The following FAT3 variants were observed in gnomAD, a reference collection of about 807,000 sequenced individuals.
The protein encoded by FAT3 is FAT atypical cadherin 3, also known as protocadherin Fat 3.
Under a neutral mutation model 310.2 loss-of-function variants are expected in FAT3, and 95 were observed. The observed-to-expected ratio is 0.31, with a 90% CI of 0.26 to 0.36. FAT3 has a LOEUF of 0.36. Ranked by LOEUF, FAT3 falls within the 10% of genes least tolerant of loss-of-function variation. The probability of loss-of-function intolerance (pLI) is 1.00; values close to 1 mark genes in which losing one functional copy is unlikely to be tolerated. For synonymous variants in FAT3, 2,314 were observed against 2,192.9 expected, an observed-to-expected ratio of 1.06 and a Z score of -1.54; for missense variants, 5,408 against 5,715.6, an observed-to-expected ratio of 0.95 and a Z score of 1.74.
intron 3 of FAT3, among the ~76,000 whole-genome samples, chr11:92,638,158 C>T (rs1941834744): frequency 6.6e-6 from 1 of 152,182 alleles, no homozygotes; most frequent in Non-Finnish European, 1.5e-5. Flanking sequence ...GAGAGGTACT[C>T]ATTGGACTGG....
intron 2 of FAT3, among the ~76,000 whole-genome samples, chr11:92,423,198 G>C (rs1950565510): frequency 6.6e-6 from 1 of 152,070 alleles, no homozygotes; most frequent in Admixed American, 6.6e-5. Context: ...AAATACACTG[G>C]ACAGCCATGG....
At chr11:92,722,578 G>A (rs2135977431) in intron 4 of FAT3, among the ~76,000 whole-genome samples, 1 of 152,336 alleles carries the variant, frequency 6.6e-6, no homozygotes, top group Admixed American at 6.5e-5. Context: ...TACCCCAGTA[G>A]GGACTGTGTG....
At chr11:92,275,676 A>T (rs1946250368) in intron 1 of FAT3, among the ~76,000 whole-genome samples, 1 of 152,136 alleles carries the variant, frequency 6.6e-6, no homozygotes, top group African/African-American at 2.4e-5. Flanking sequence ...TCTACCAGCA[A>T]TGTAACATGT....
Position 92,883,422 on chromosome 11 carries a change from T to G in FAT3, c.12937+29T>G, listed in dbSNP as rs1205319793. 3.8e-6 allele frequency: 6 copies of G among 1,570,718 alleles called. No individual in the cohort carries two copies. Among genetic ancestry groups the G allele is most frequent in the Non-Finnish European group, 5.2e-6 (6 of 1,156,460 alleles). On this transcript the variant is annotated intron_variant, in intron 24 of 27. Transcript: ENST00000525166. This position sits in a 1 kb window ranked among gnomAD's most constrained non-coding sequence, Gnocchi z 4.2. The stretch of plus-strand genomic sequence containing the variant: ...AGTAGGAAGTGGTAATGCTCACCCC[T>G]CGGTGCTTACAGGGAACCTGCAGGG...
intron 2 of FAT3, among the ~76,000 whole-genome samples, chr11:92,488,055 G>C (rs571422563): frequency 1.4e-4 from 22 of 152,284 alleles, no homozygotes; most frequent in Non-Finnish European, 2.8e-4. Flanking sequence ...GCTTATATAA[G>C]ACTCTGACTT....
rs1947327781 is a variant in FAT3, at chr11:92,800,984, T to C, written c.7971T>C (p.Asn2657=). The part of the protein sequence containing the change: ...VADLLEIDPD[N]GWMVTKGNFN... ...ACCTCCTGGAAATCGATCCTGACAATGGCTGGATGGTCACAAAGGGTAATT... is the reference window on the plus strand; with the variant it reads ...ACCTCCTGGAAATCGATCCTGACAACGGCTGGATGGTCACAAAGGGTAATT... The change falls in exon 10 of 28, where the codon AAT becomes AAC. Residue 2657 remains asparagine, a synonymous_variant. Transcript: ENST00000525166. 6.2e-7 allele frequency: 1 copy of C among 1,613,346 alleles called. No homozygotes were observed.
intron 3 of FAT3, among the ~76,000 whole-genome samples, chr11:92,697,026 T>C (rs144386748): frequency 1.0e-3 from 154 of 152,334 alleles, no homozygotes; most frequent in African/African-American, 3.0e-3. Context: ...CTATTAATTG[T>C]TCAGGAACTC....
intron 1 of FAT3, among the ~76,000 whole-genome samples, chr11:92,293,914 C>A (rs539716080): frequency 3.3e-5 from 5 of 152,024 alleles, no homozygotes; most frequent in Non-Finnish European, 7.4e-5. Flanking sequence ...AAGCCACTTG[C>A]GTGCAAGTAC....
At chr11:92,269,270 A>G (rs932998570) in intron 1 of FAT3, among the ~76,000 whole-genome samples, 5 of 152,116 alleles carry the variant, frequency 3.3e-5, no homozygotes, top group African/African-American at 1.2e-4. Context: ...AGCTAGAAAC[A>G]TTCTTTCGCC....
At chr11:92,657,797 G>T (rs762978833) in intron 3 of FAT3, among the ~76,000 whole-genome samples, 2 of 152,124 alleles carry the variant, frequency 1.3e-5, no homozygotes, top group Non-Finnish European at 2.9e-5. Flanking sequence ...TCAGTTCATG[G>T]CTCTAAAGCC....
At chr11:92,877,179 C>T (rs1244938016) in intron 22 of FAT3, among the ~76,000 whole-genome samples, 1 of 152,090 alleles carries the variant, frequency 6.6e-6, no homozygotes, top group African/African-American at 2.4e-5. Context: ...TCTTAGAGAC[C>T]TAAATTCCAG....
At chr11:92,648,777 C>T (rs986546292) in intron 3 of FAT3, among the ~76,000 whole-genome samples, 6 of 152,160 alleles carry the variant, frequency 3.9e-5, no homozygotes, top group Admixed American at 2.0e-4. Context: ...ACCATTGTGA[C>T]GGCCATGCTC....
At chr11:92,375,175 G>C (rs1316447899) in intron 2 of FAT3, among the ~76,000 whole-genome samples, 1 of 152,020 alleles carries the variant, frequency 6.6e-6, no homozygotes, top group East Asian at 1.9e-4. Context: ...CTCCCAAGAT[G>C]CAGGCTGGAG....
intron 2 of FAT3, among the ~76,000 whole-genome samples, chr11:92,420,213 T>C (rs549268275): frequency 6.6e-6 from 1 of 152,338 alleles, no homozygotes; most frequent in African/African-American, 2.4e-5. Flanking sequence ...ACAGAAAAAC[T>C]TTGCTGACTT....
chr11:92,739,583 T>C (rs1322731117), intron 4 of FAT3, among the ~76,000 whole-genome samples: 2 of 152,208 alleles, frequency 1.3e-5, no homozygotes, highest in East Asian at 1.9e-4. Context: ...TTCTTCCTAG[T>C]TTGGCTGGAT....
rs374939550 is a variant in FAT3, at chr11:92,895,252, A to G, written c.*4139A>G. 14 of 152,196 alleles carry G rather than the reference A, an allele frequency of 9.2e-5. No individual in the cohort carries two copies. The highest frequency in any genetic ancestry group is 5.8e-4 in the East Asian group (3 of 5,196). 9.4% of individuals were successfully genotyped at this position (152,196 alleles called of 1,614,324 possible). On this transcript the variant is annotated 3_prime_UTR_variant, in exon 28 of 28. Transcript: ENST00000525166. ...TTGTGTGCTCTGTGAGAAGGTGGTT[A>G]TATGTTTTTGCTGGTTTGTGTCCCA...
At position 92,550,825 on chromosome 11, in the gene FAT3, G is replaced by A. The variant is rs147034707; in HGVS notation, c.3607+25877G>A. On this transcript the variant is annotated intron_variant, in intron 3 of 27. Transcript: ENST00000525166. ...TTGTGTGCAAGTGTACTTCTTTATA[G>A]GCTTCATGCTAAAATGTCCCTGGCA... is the stretch of plus-strand genomic sequence containing the variant. Among the ~76,000 whole-genome samples, 496 of 146,500 alleles carry A rather than the reference G, an allele frequency of 3.4e-3. 4 individuals carry two copies. Among genetic ancestry groups the A allele is most frequent in the Non-Finnish European group, 4.8e-3 (326 of 67,218 alleles).
chr11:92,261,956 A>T (rs891205634), intron 1 of FAT3, among the ~76,000 whole-genome samples: 2 of 151,156 alleles, frequency 1.3e-5, no homozygotes. Context: ...TCTTATTTCT[A>T]TGTTGTTTCT....
At chr11:92,876,613 T>A (rs1468488357) in intron 22 of FAT3, among the ~76,000 whole-genome samples, 1 of 152,226 alleles carries the variant, frequency 6.6e-6, no homozygotes. Flanking sequence ...TCCCTCTGTG[T>A]TTCTTGCTGC....
Sources: gnomAD v4.1 joint callset for allele counts (sites outside exome capture counted in the v4.1 genomes callset) on GRCh38, gnomAD v4.1.1 for gene constraint, Gnocchi (gnomAD v3.1) non-coding constraint, MANE v1.5 for transcripts, NCBI Gene and HGNC (gene_info 2026-07-23, HGNC 2026-07-21) for gene names.